Variants in EIF2AK4 observed in about 807,000 individuals in gnomAD.
EIF2AK4 encodes the protein eIF-2-alpha kinase GCN2.
In EIF2AK4, 139 loss-of-function variants were observed where a neutral mutation model predicts 211.1. The ratio of observed to expected loss-of-function variants is 0.66; its 90% CI spans 0.57 to 0.76. EIF2AK4 has a LOEUF of 0.76. Among genes scored for constraint, EIF2AK4 ranks in the 30% least tolerant of loss-of-function variants. The pLI is 0.00. For synonymous variants in EIF2AK4, 710 were observed against 751.3 expected (o/e 0.94, Z 0.90); for missense variants, 1,664 against 2,043.8 (o/e 0.81, Z 3.58).
intron 32 of EIF2AK4, among the ~76,000 whole-genome samples, chr15:40,024,808 A>G (rs922089314): frequency 6.8e-6 from 1 of 146,530 alleles, no homozygotes; most frequent in African/African-American, 2.6e-5. Context: ...AGCTTACTGG[A>G]ACCTGTCTCC....
At chr15:40,032,383 T>C in intron 36 of EIF2AK4, 146 bp downstream of exon 36, 1 of 663,102 alleles carries the variant, frequency 1.5e-6, no homozygotes, top group Non-Finnish European at 2.6e-6. Context: ...AATTTAAAAC[T>C]ATTAAGAACT....
chr15:39,942,437 A>G (rs868402924), intron 2 of EIF2AK4, among the ~76,000 whole-genome samples: 2 of 152,254 alleles, frequency 1.3e-5, no homozygotes, highest in Non-Finnish European at 2.9e-5. Context: ...ATCTATAGAA[A>G]TAGATAATGA....
intron 9 of EIF2AK4, among the ~76,000 whole-genome samples, chr15:39,972,479 G>A (rs1381026915): frequency 2.0e-5 from 3 of 151,898 alleles, no homozygotes; most frequent in Admixed American, 6.6e-5. Context: ...TCTAAAGCTC[G>A]TCATACTGAG....
At chr15:39,998,361 A>G (rs1278621014) in intron 19 of EIF2AK4, among the ~76,000 whole-genome samples, 1 of 149,430 alleles carries the variant, frequency 6.7e-6, no homozygotes, top group Non-Finnish European at 1.5e-5. Flanking sequence ...TTGTACCCAG[A>G]TGTGCTTTCT....
intron 3 of EIF2AK4, among the ~76,000 whole-genome samples, chr15:39,944,654 C>G (rs928535836): frequency 2.0e-5 from 3 of 152,106 alleles, no homozygotes; most frequent in Non-Finnish European, 4.4e-5. Flanking sequence ...AGGATGGTCT[C>G]AATCTCCTGA....
intron 15 of EIF2AK4, 109 bp downstream of exon 15, chr15:39,988,214 A>G (rs1325653429): frequency 2.5e-6 from 3 of 1,191,812 alleles, no homozygotes; most frequent in East Asian, 2.4e-5. Context: ...AGGGAAAGCT[A>G]TGGGTATATT....
chr15:40,026,339 T>A (rs556701541), intron 33 of EIF2AK4, among the ~76,000 whole-genome samples: 1 of 152,232 alleles, frequency 6.6e-6, no homozygotes, highest in South Asian at 2.1e-4. Context: ...ATTCCTATGG[T>A]CCCAGCTACT....
chr15:39,978,727 C>CA (rs1402569361), intron 13 of EIF2AK4, among the ~76,000 whole-genome samples: 8 of 152,038 alleles, frequency 5.3e-5, no homozygotes, highest in African/African-American at 1.7e-4. Flanking sequence ...AAAAAAATCA[C>CA]AAAAAATCTC....
At chr15:40,027,124 A>G (rs2035475431) in intron 33 of EIF2AK4, among the ~76,000 whole-genome samples, 2 of 152,224 alleles carry the variant, frequency 1.3e-5, no homozygotes, top group Admixed American at 6.5e-5. Flanking sequence ...CTATTGAAAA[A>G]CAACTGTTTT....
intron 12 of EIF2AK4, 78 bp from the exon 13 acceptor site, chr15:39,978,000 C>T: frequency 1.0e-6 from 1 of 991,140 alleles, no homozygotes; most frequent in Non-Finnish European, 1.5e-6. Context: ...CTTGTGCTTT[C>T]TAGTATTTAA....
At chr15:40,003,572 G>T (rs1361345249) in intron 23 of EIF2AK4, among the ~76,000 whole-genome samples, 1 of 152,150 alleles carries the variant, frequency 6.6e-6, no homozygotes, top group Non-Finnish European at 1.5e-5. Flanking sequence ...TGCCACATGT[G>T]CACCCCCCAG....
chr15:39,949,059 T>C, intron 3 of EIF2AK4, 57 bp from the exon 4 acceptor site: 3 of 1,592,988 alleles, frequency 1.9e-6, no homozygotes, highest in Non-Finnish European at 2.6e-6. Flanking sequence ...TAGCCTCTCC[T>C]GTTTGGGCCT....
intron 30 of EIF2AK4, among the ~76,000 whole-genome samples, chr15:40,020,018 G>T (rs967394212): frequency 1.3e-5 from 2 of 151,960 alleles, no homozygotes; most frequent in African/African-American, 4.8e-5. Context: ...AAAATTAGCT[G>T]GGTGTGGTTA....
At chr15:40,022,950 G>GTCTCGA (rs1243397280) in intron 32 of EIF2AK4, among the ~76,000 whole-genome samples, 3 of 152,124 alleles carry the variant, frequency 2.0e-5, no homozygotes, top group Admixed American at 6.6e-5. Context: ...GGCCAGGATG[G>GTCTCGA]TCTCCTGACC....
chr15:39,970,215 C>T (rs1041357280), intron 9 of EIF2AK4, among the ~76,000 whole-genome samples: 15 of 152,252 alleles, frequency 9.9e-5, no homozygotes, highest in Admixed American at 6.5e-4. Context: ...TTTCTATATA[C>T]GGCTACCCTG....
At chr15:39,948,966 T>A (rs937672268) in intron 3 of EIF2AK4, 150 bp from the exon 4 acceptor site, 1 of 883,968 alleles carries the variant, frequency 1.1e-6, no homozygotes, top group African/African-American at 1.7e-5. Flanking sequence ...TTATATCATA[T>A]ACCGAATTCA....
In EIF2AK4 at chr15:40,029,432, A is replaced by C; in HGVS notation, c.4529A>C (p.Gln1510Pro). ...GAAGCTTCCGATAATCTTGCAGTGC[A>C]AAATCTGAAGGGGTCATTTTCTAAT... ...GREASDNLAVQNLKGSFSNAS... is the reference protein window; with the variant it reads ...GREASDNLAVPNLKGSFSNAS... Residue 1510 changes from glutamine to proline, a missense_variant, in exon 34 of 39, where the codon CAA becomes CCA. By Grantham distance (76) the Gln-to-Pro change is moderately conservative. Around this residue, in one of 7 missense-constraint regions of EIF2AK4, gnomAD observed 138 missense variants for 165.1 expected, o/e 0.84. Transcript: ENST00000263791. 6.2e-7 allele frequency: 1 copy of C among 1,613,182 alleles called. No homozygotes were observed. The highest frequency in any genetic ancestry group is 8.5e-7 in the Non-Finnish European group (1 of 1,179,822).
chr15:39,951,697 G>T, intron 4 of EIF2AK4: 1 of 193,016 alleles, frequency 5.2e-6, no homozygotes. Context: ...GTGCAGTCTT[G>T]CAAGCGGCTT....
chr15:40,030,225 A>T, intron 34 of EIF2AK4, 134 bp from the exon 35 acceptor site: 1 of 860,734 alleles, frequency 1.2e-6, no homozygotes, highest in Non-Finnish European at 1.8e-6. Flanking sequence ...GGGATAGAAA[A>T]CACAGCCCAG....
Sources: gnomAD v4.1 joint callset for allele counts (sites outside exome capture counted in the v4.1 genomes callset) on GRCh38, gnomAD v4.1.1 for gene constraint, gnomAD v4.1.1 regional missense constraint, MANE v1.5 for transcripts, NCBI Gene and HGNC (gene_info 2026-07-23, HGNC 2026-07-21) for gene names.